The following DDB1 variants were observed in gnomAD, a reference collection of about 807,000 sequenced individuals.
DDB1 encodes damage specific DNA binding protein 1, also known as DNA damage-binding protein 1.
In DDB1, 18 loss-of-function variants were observed where a neutral mutation model predicts 133.1. The ratio of observed to expected loss-of-function variants is 0.14; its 90% CI spans 0.09 to 0.20. The LOEUF is 0.20. Among genes scored for constraint, DDB1 ranks in the 10% least tolerant of loss-of-function variants. The pLI, the probability that DDB1 is intolerant of heterozygous loss-of-function variation, is 1.00. For missense variants in DDB1, 828 were observed against 1,459.2 expected, an observed-to-expected ratio of 0.57 and a Z score of 7.05; for synonymous variants, 580 against 550.5, an observed-to-expected ratio of 1.05 and a Z score of -0.75.
At chr11:61,319,172 C>A (rs1357438284) in intron 10 of DDB1, among the ~76,000 whole-genome samples, 2 of 152,152 alleles carry the variant, frequency 1.3e-5, no homozygotes. Flanking sequence ...TGCCACTGTA[C>A]CCCAGCCTGG....
At chr11:61,321,878 G>T (rs1856185627) in intron 9 of DDB1, 181 bp from the exon 10 acceptor site, 2 of 605,830 alleles carry the variant, frequency 3.3e-6, no homozygotes, top group East Asian at 5.5e-5. Flanking sequence ...GAGCAGACAG[G>T]ACATCCTAGT....
chr11:61,328,515 A>C (rs1856306997), intron 4 of DDB1, among the ~76,000 whole-genome samples: 1 of 152,162 alleles, frequency 6.6e-6, no homozygotes. Flanking sequence ...ACAGATCTGG[A>C]CCAGAGAACA....
At chr11:61,301,248 C>T (rs1242898399) in intron 25 of DDB1, 1 of 262,196 alleles carries the variant, frequency 3.8e-6, no homozygotes, top group Admixed American at 5.0e-5. Context: ...ACAAGAACCA[C>T]CTAAGTCTAG....
At chr11:61,324,239 A>G in intron 6 of DDB1, 102 bp from the exon 7 acceptor site, 1 of 1,300,528 alleles carries the variant, frequency 7.7e-7, no homozygotes, top group Non-Finnish European at 1.1e-6. Flanking sequence ...CCATTTTACC[A>G]GCAGACAAAT....
chr11:61,300,323 T>C (rs1855772489), intron 26 of DDB1, 104 bp from the exon 27 acceptor site: 3 of 1,213,750 alleles, frequency 2.5e-6, no homozygotes, highest in African/African-American at 3.0e-5. Flanking sequence ...TCCACCATTG[T>C]CATGGCAGAG....
At chr11:61,303,248 G>T (rs1406181684) in intron 22 of DDB1, 93 bp from the exon 23 acceptor site, 2 of 1,098,468 alleles carry the variant, frequency 1.8e-6, no homozygotes, top group Non-Finnish European at 2.8e-6. Flanking sequence ...CAGGAGCAAG[G>T]CCCCACCCTG....
chr11:61,316,935 A>T (rs1175096296), intron 10 of DDB1, among the ~76,000 whole-genome samples: 2 of 94,920 alleles, frequency 2.1e-5, no homozygotes, highest in Non-Finnish European at 4.1e-5. Context: ...AAAAAAAAAA[A>T]AAAAAGGATA....
rs982411558 is a variant in DDB1 at position 61,323,794 on chromosome 11, T to C, written c.921+185A>G. On this transcript the variant is annotated intron_variant, in intron 7 of 26. Transcript: ENST00000301764. ...TCTCACAGGCTGCTTGGATAGATTA[T>C]CACAGGATCCTGTGAGATGCTCCAA... 4 of 614,410 alleles carry C rather than the reference T, an allele frequency of 6.5e-6. No homozygotes were observed. The African/African-American group carries it at 7.4e-5, about 11-fold the overall frequency. 38.1% of individuals were successfully genotyped at this position (614,410 alleles called of 1,614,324 possible).
Position 61,302,721 on chromosome 11 carries a change from G to A in DDB1, c.2973C>T (p.His991=). Residue 991 remains histidine (H), a synonymous_variant, in exon 24 of 27, where the codon CAC becomes CAT. Coordinates refer to ENST00000301764, the MANE Select transcript of DDB1 (RefSeq NM_001923.5). ...GGTGGAAAAGACCAACCTCCTGGAG[G>A]TGCTGCCGCTCCTCGTCAGTGGTGG... ...SAATTDEERQ[H]LQEVGLFHLG... 1.2e-6 allele frequency: 2 copies of A among 1,614,190 alleles called. No individual in the cohort carries two copies. Among genetic ancestry groups the A allele is most frequent in the Non-Finnish European group, 1.7e-6 (2 of 1,180,002 alleles).
chr11:61,321,686 G>A lies in DDB1; in HGVS notation c.1134C>T (p.Cys378=), dbSNP rs752605210. 2.5e-6 allele frequency: 4 copies of A among 1,614,154 alleles called. No homozygotes were observed. The Admixed American group carries it at 6.7e-5, about 27-fold the overall frequency. ...ERQGQGQLVT[C]SGAFKEGSLR... ...AAGAACCTTCCTTGAAAGCCCCAGA[G>A]CAAGTGACCAGCTGCAAGCAGAGAA... The change falls in exon 10 of 27, where the codon TGC becomes TGT. Residue 378 remains cysteine (C), a synonymous_variant. Transcript: ENST00000301764.
intron 16 of DDB1, 35 bp from the exon 17 acceptor site, chr11:61,312,119 C>G (rs1204301277): frequency 1.2e-6 from 2 of 1,602,194 alleles, no homozygotes; most frequent in East Asian, 4.5e-5. Flanking sequence ...ACTGAGGAGA[C>G]TCAAGGAAGG....
chr11:61,325,739 C>G, intron 5 of DDB1, 31 bp from the exon 6 acceptor site: 2 of 1,563,928 alleles, frequency 1.3e-6, no homozygotes, highest in Non-Finnish European at 1.8e-6. Context: ...TTAGAATGCT[C>G]AGCACTCTGG....
At chr11:61,306,637 C>A (rs1054561800) in intron 21 of DDB1, among the ~76,000 whole-genome samples, 7 of 152,172 alleles carry the variant, frequency 4.6e-5, no homozygotes, top group Non-Finnish European at 1.0e-4. Flanking sequence ...TTACAAGTAA[C>A]TGCACTCTTC....
Position 61,332,939 on chromosome 11 carries a change from C to T in DDB1, c.30G>A (p.Gln10=). Residue 10 remains glutamine, a synonymous_variant, in exon 1 of 27, where the codon CAG becomes CAA. Transcript: ENST00000301764. The part of the protein sequence containing the change: MSYNYVVTA[Q]KPTAVNGCVT... ...CGCAGCCGTTCACGGCGGTGGGCTT[C>T]TGGGCCGTTACCACGTAGTTGTACG... 6.6e-7 allele frequency: 1 copy of T among 1,517,012 alleles called. No individual in the cohort carries two copies. Among genetic ancestry groups the T allele is most frequent in the Non-Finnish European group, 8.9e-7 (1 of 1,127,214 alleles). 94.0% of individuals were successfully genotyped at this position (1,517,012 alleles called of 1,614,324 possible). A position where few individuals can be genotyped will look rare whatever the true frequency, so the allele number is the denominator to read the frequency against.
Position 61,326,900 on chromosome 11 carries a change from G to A in DDB1, c.550-7C>T, listed in dbSNP as rs939403512. On this transcript the variant is annotated splice_polypyrimidine_tract_variant and splice_region_variant and intron_variant, in intron 4 of 26. Transcript: ENST00000301764. ...CGTGCCGCCCCTGAGGGTCCTGGGG[G>A]GGAAAGGTAAAATGGTTAGCCCTTA... is the stretch of plus-strand genomic sequence containing the variant. 3.1e-6 allele frequency: 5 copies of A among 1,607,480 alleles called. No individual in the cohort carries two copies. In the Admixed American group the frequency reaches 8.3e-5, roughly 27 times the overall value.
chr11:61,333,084 C>T lies in DDB1; in HGVS notation c.-116G>A. On this transcript the variant is annotated 5_prime_UTR_variant, in exon 1 of 27. Transcript: ENST00000301764. ...GCGAACTCCACTGCCGCTGCCTCCGCCCCAGAGACACGTTGCAGGCCAGAG... is the reference window on the plus strand; with the variant it reads ...GCGAACTCCACTGCCGCTGCCTCCGTCCCAGAGACACGTTGCAGGCCAGAG... 1 of 990,616 alleles carries T rather than the reference C, an allele frequency of 1.0e-6. No individual in the cohort carries two copies. Among genetic ancestry groups the T allele is most frequent in the South Asian group, 2.2e-5 (1 of 46,390 alleles). The allele number at this position is 990,616 out of a possible 1,614,324, so 61.4% of individuals were successfully genotyped here. A position where few individuals can be genotyped will look rare whatever the true frequency, so the allele number is the denominator to read the frequency against.
In DDB1 at chr11:61,316,960, T is replaced by C. The variant is rs1450800290; in HGVS notation, c.1226-393A>G. Among the ~76,000 whole-genome samples, 36 of 21,058 alleles carry C rather than the reference T, an allele frequency of 1.7e-3. 4 individuals are homozygous for C. The highest frequency in any genetic ancestry group is 3.6e-3 in the African/African-American group (30 of 8,260). The allele number at this position is 21,058 out of a possible 152,430, so 13.8% of individuals were successfully genotyped here. A position where few individuals can be genotyped will look rare whatever the true frequency, so the allele number is the denominator to read the frequency against. On this transcript the variant is annotated intron_variant, in intron 10 of 26. Transcript: ENST00000301764. ...AAAAAAGGATAGATATATATATATA[T>C]ATATATATATATATATATATATATA...
At chr11:61,330,776 C>A (rs1856354335) in intron 2 of DDB1, among the ~76,000 whole-genome samples, 1 of 152,120 alleles carries the variant, frequency 6.6e-6, no homozygotes, top group African/African-American at 2.4e-5. Context: ...GTGCCTCAGC[C>A]TGCCAAGTAG....
At chr11:61,329,204 G>T (rs769595832) in intron 4 of DDB1, 159 bp downstream of exon 4, 5 of 670,244 alleles carry the variant, frequency 7.5e-6, no homozygotes, top group South Asian at 7.1e-5. Context: ...AAGAAGCAAC[G>T]AAAGTCTGAC....
Sources: allele counts gnomAD v4.1 joint callset (sites outside exome capture counted in the v4.1 genomes callset), GRCh38; gene constraint gnomAD v4.1.1; transcripts MANE v1.5; gene names NCBI Gene and HGNC (gene_info 2026-07-23, HGNC 2026-07-21).